The following KIF13B variants were observed in gnomAD, a reference collection of about 807,000 sequenced individuals.
KIF13B encodes the protein kinesin-like protein KIF13B.
A neutral mutation model predicts 222.0 loss-of-function variants in KIF13B; 127 were observed. That is an observed-to-expected ratio of 0.57 (90% CI 0.50 to 0.66). KIF13B has a LOEUF of 0.66. Ranked by LOEUF, KIF13B falls within the 30% of genes least tolerant of loss-of-function variation. The pLI, the probability that KIF13B is intolerant of heterozygous loss-of-function variation, is 0.00. For synonymous variants in KIF13B, 976 were observed against 919.0 expected (o/e 1.06, Z -1.12); for missense variants, 2,173 against 2,379.0 (o/e 0.91, Z 1.80).
In KIF13B at chr8:29,147,525, G is replaced by A; in HGVS notation, c.1891C>T (p.Leu631Phe). 7 of 1,613,772 alleles carry A rather than the reference G, an allele frequency of 4.3e-6. No individual in the cohort carries two copies. The highest frequency in any genetic ancestry group is 5.9e-6 in the Non-Finnish European group (7 of 1,179,854). Residue 631 changes from leucine (L) to phenylalanine (F), a missense_variant, in exon 17 of 40, where the codon CTT (leucine) becomes TTT (phenylalanine). Transcript: ENST00000524189. ...TGCTCCAATTCGTGCTCATACATAAGCCTCTGGCGCTCCAGTGCAGATCGT... is the reference window on the plus strand; with the variant it reads ...TGCTCCAATTCGTGCTCATACATAAACCTCTGGCGCTCCAGTGCAGATCGT... ...EKRSALERQR[L>F]MYEHELEQLR...
intron 35 of KIF13B, among the ~76,000 whole-genome samples, chr8:29,103,965 C>G (rs530380268): frequency 6.6e-6 from 1 of 152,284 alleles, no homozygotes; most frequent in South Asian, 2.1e-4. Flanking sequence ...CACAATGAGC[C>G]CTGCAGCGTT....
At chr8:29,168,588 C>T (rs1302737026) in intron 10 of KIF13B, among the ~76,000 whole-genome samples, 11 of 152,170 alleles carry the variant, frequency 7.2e-5, no homozygotes, top group African/African-American at 9.7e-5. Flanking sequence ...CTGGGGGAAA[C>T]GGGCTGCCGT....
intron 26 of KIF13B, 104 bp downstream of exon 26, chr8:29,126,378 T>C: frequency 1.3e-6 from 1 of 764,684 alleles, no homozygotes; most frequent in Non-Finnish European, 2.2e-6. Flanking sequence ...AAAATCAGTA[T>C]GAATTGTTTA....
In KIF13B at chr8:29,175,064, A is replaced by G. The variant is rs140033919; in HGVS notation, c.945+1004T>C. On this transcript the variant is annotated intron_variant, in intron 10 of 39. Coordinates refer to ENST00000524189, the MANE Select transcript of KIF13B (RefSeq NM_015254.4). ...CAGGTGTTCAACAAATTCTTGATCA[A>G]TAAGAAAATAAAACATCACAAAATT... Among the ~76,000 whole-genome samples, 12 of 152,354 alleles carry G rather than the reference A, an allele frequency of 7.9e-5. No individual in the cohort carries two copies. In the East Asian group the frequency reaches 1.5e-3, roughly 20 times the overall value.
intron 1 of KIF13B, among the ~76,000 whole-genome samples, chr8:29,262,581 G>T (rs1432969496): frequency 6.6e-6 from 1 of 151,808 alleles, no homozygotes; most frequent in Non-Finnish European, 1.5e-5. Flanking sequence ...CTGGCGACCC[G>T]CGCGCGGGGG....
At position 29,071,789 on chromosome 8, in the gene KIF13B, C is replaced by T. The variant is rs1586736579; in HGVS notation, c.5049G>A (p.Gly1683=). ...AEGNAPAPGA[G]GQALASDSEE... Reference sequence around the variant, plus strand: ...CGGAATCAGAGGCCAGGGCCTGTCCCCCGGCGCCCGGGGCCGGCGCATTCC... The same window carrying T: ...CGGAATCAGAGGCCAGGGCCTGTCCTCCGGCGCCCGGGGCCGGCGCATTCC... The change falls in exon 39 of 40, where the codon GGG becomes GGA. Residue 1683 remains glycine, a synonymous_variant. Transcript: ENST00000524189. This position sits in a 1 kb window ranked among gnomAD's most constrained non-coding sequence, Gnocchi z 4.9. 4 of 1,547,428 alleles carry T rather than the reference C, an allele frequency of 2.6e-6. No homozygotes were observed. The African/African-American group carries it at 4.1e-5, about 16-fold the overall frequency.
chr8:29,140,632 A>G lies in KIF13B; in HGVS notation c.2335-15T>C, dbSNP rs1586832382. ...GATCGTATTACCTGTAAAGAGATTG[A>G]GAACACACAACTTCAGAAAAACCAT... is the stretch of plus-strand genomic sequence containing the variant. On this transcript the variant is annotated splice_polypyrimidine_tract_variant and intron_variant, in intron 19 of 39. Transcript: ENST00000524189. 1.2e-6 allele frequency: 2 copies of G among 1,601,660 alleles called. No homozygotes were observed. The highest frequency in any genetic ancestry group is 2.2e-5 in the East Asian group (1 of 44,670).
chr8:29,218,963 G>C (rs148561131), intron 2 of KIF13B: 1 of 152,228 alleles, frequency 6.6e-6, no homozygotes, highest in African/African-American at 2.4e-5. Context: ...CACAAGTGGC[G>C]GCAGCCAGAG....
chr8:29,117,738 A>G (rs995118784), intron 30 of KIF13B, among the ~76,000 whole-genome samples: 2 of 152,260 alleles, frequency 1.3e-5, no homozygotes, highest in Non-Finnish European at 1.5e-5. Context: ...TCCTTCCTGA[A>G]TATATTTCAT....
chr8:29,086,998 C>T (rs1299021146), intron 37 of KIF13B, among the ~76,000 whole-genome samples: 1 of 152,248 alleles, frequency 6.6e-6, no homozygotes, highest in African/African-American at 2.4e-5. Flanking sequence ...AAGTCCAGCA[C>T]TGGATGCCTC....
At chr8:29,101,711 G>A (rs2133579926) in intron 35 of KIF13B, among the ~76,000 whole-genome samples, 1 of 152,200 alleles carries the variant, frequency 6.6e-6, no homozygotes, top group East Asian at 1.9e-4. Flanking sequence ...TTAACCTTGA[G>A]GAACCTCACA....
chr8:29,245,292 G>A (rs1815971954), intron 2 of KIF13B, 54 bp downstream of exon 2: 1 of 1,213,472 alleles, frequency 8.2e-7, no homozygotes. Context: ...AGCAGCCACA[G>A]TTGCTTCCAG....
At chr8:29,245,324 A>G in intron 2 of KIF13B, 22 bp downstream of exon 2, 1 of 1,509,122 alleles carries the variant, frequency 6.6e-7, no homozygotes, top group Non-Finnish European at 9.1e-7. Flanking sequence ...TCCATTGAGC[A>G]CAGCACTGTT....
chr8:29,109,849 C>G, intron 33 of KIF13B, 69 bp downstream of exon 33: 1 of 1,466,570 alleles, frequency 6.8e-7, no homozygotes, highest in Non-Finnish European at 9.4e-7. Context: ...CTGTGAATTA[C>G]AGAGTCAAAC....
chr8:29,138,978 G>A (rs573672870), intron 21 of KIF13B, among the ~76,000 whole-genome samples: 5 of 152,158 alleles, frequency 3.3e-5, no homozygotes, highest in Non-Finnish European at 7.4e-5. Flanking sequence ...TCATCTTTTG[G>A]AGACACACAC....
rs1227418991 is a variant in KIF13B at position 29,160,883 on chromosome 8, G to A, written c.1270-16C>T. The A allele has an allele frequency of 6.8e-6, 11 of 1,610,222 alleles. No homozygotes were observed. Among genetic ancestry groups the A allele is most frequent in the Non-Finnish European group, 9.3e-6 (11 of 1,177,580 alleles). On this transcript the variant is annotated splice_polypyrimidine_tract_variant and intron_variant, in intron 12 of 39. Coordinates refer to ENST00000524189, the MANE Select transcript of KIF13B (RefSeq NM_015254.4). ...TCTGTCGTTCCTGTAAATGTTATCA[G>A]AGAAGTATTAATTTCACAGCTATTG...
At chr8:29,170,837 G>A (rs1476655258) in intron 10 of KIF13B, among the ~76,000 whole-genome samples, 1 of 152,202 alleles carries the variant, frequency 6.6e-6, no homozygotes, top group African/African-American at 2.4e-5. Context: ...CAACACTTTG[G>A]GAGGCCAAGG....
rs772491346 is a variant in KIF13B, at chr8:29,071,793, G to A, written c.5045C>T (p.Ala1682Val). The change falls in exon 39 of 40, where the codon GCC (alanine) becomes GTC (valine). Residue 1682 changes from alanine to valine, a missense_variant. Physicochemically the swap from Ala to Val is moderately conservative, Grantham distance 64. Transcript: ENST00000524189. This position sits in a 1 kb window ranked among gnomAD's most constrained non-coding sequence, Gnocchi z 4.9. ...GAEGNAPAPG[A>V]GGQALASDSE... ...ATCAGAGGCCAGGGCCTGTCCCCCG[G>A]CGCCCGGGGCCGGCGCATTCCCCTC... is the stretch of plus-strand genomic sequence containing the variant. 3 of 1,546,984 alleles carry A rather than the reference G, an allele frequency of 1.9e-6. No homozygotes were observed. The highest frequency in any genetic ancestry group is 1.4e-5 in the African/African-American group (1 of 73,026).
intron 37 of KIF13B, among the ~76,000 whole-genome samples, chr8:29,086,403 CCCAGCTA>C (rs1306023620): frequency 2.2e-4 from 33 of 152,280 alleles, no homozygotes; most frequent in African/African-American, 7.5e-4. Context: ...TACCTTTAGT[CCCAGCTA>C]CTTGGGAGGC....
Sources: gnomAD v4.1 joint callset for allele counts (sites outside exome capture counted in the v4.1 genomes callset) on GRCh38, gnomAD v4.1.1 for gene constraint, Gnocchi (gnomAD v3.1) non-coding constraint, MANE v1.5 for transcripts, NCBI Gene and HGNC (gene_info 2026-07-23, HGNC 2026-07-21) for gene names.